Variants in COL4A3 observed in about 807,000 individuals in gnomAD.
COL4A3 encodes collagen type IV alpha 3 chain.
Under a neutral mutation model 217.4 loss-of-function variants are expected in COL4A3, and 135 were observed. That is an observed-to-expected ratio of 0.62 (90% CI 0.54 to 0.72). The LOEUF (loss-of-function observed/expected upper bound fraction) is 0.72. Among genes scored for constraint, COL4A3 ranks in the 30% least tolerant of loss-of-function variants. COL4A3 has a pLI of 0.00. For missense variants in COL4A3, 1,868 were observed against 2,119.9 expected (o/e 0.88, Z 2.33); for synonymous variants, 690 against 736.3 (o/e 0.94, Z 1.02).
chr2:227,251,517 C>T (rs2069740426), intron 11 of COL4A3, 146 bp downstream of exon 11: 3 of 710,048 alleles, frequency 4.2e-6, no homozygotes, highest in Non-Finnish European at 5.0e-6. Flanking sequence ...TGGCTAGCTG[C>T]TCTCACCTCT....
At chr2:227,260,208 C>A in intron 19 of COL4A3, 1 of 452,682 alleles carries the variant, frequency 2.2e-6, no homozygotes, top group South Asian at 1.9e-5. Context: ...AGACCGCGAA[C>A]AAACTCACAC....
At chr2:227,202,728 C>A (rs1171501817) in intron 1 of COL4A3, among the ~76,000 whole-genome samples, 1 of 73,140 alleles carries the variant, frequency 1.4e-5, no homozygotes, top group African/African-American at 5.0e-5. Flanking sequence ...GTGCGAGAAT[C>A]CGTCTCTAAA....
chr2:227,266,516 T>C lies in COL4A3; in HGVS notation c.1408+7T>C. On this transcript the variant is annotated splice_region_variant and intron_variant, in intron 22 of 51. Coordinates refer to ENST00000396578, the MANE Select transcript of COL4A3 (RefSeq NM_000091.5). ...GGAGTTGATGGGCCCAAAGGTTGGT[T>C]CAATCAATAATGTTGTATTAGGATA... 6.2e-7 allele frequency: 1 copy of C among 1,605,238 alleles called. No homozygotes were observed. The highest frequency in any genetic ancestry group is 8.5e-7 in the Non-Finnish European group (1 of 1,172,110).
chr2:227,291,546 C>A (rs1211181433), intron 37 of COL4A3, among the ~76,000 whole-genome samples: 1 of 115,140 alleles, frequency 8.7e-6, no homozygotes. Context: ...CTGGGAGACA[C>A]AGCGAGACTC....
In COL4A3 at chr2:227,295,060, C is replaced by G; in HGVS notation, c.3515C>G (p.Thr1172Arg). Residue 1172 changes from threonine to arginine, a missense_variant and splice_region_variant, in exon 40 of 52, where the codon ACG becomes AGG. Coordinates refer to ENST00000396578, the MANE Select transcript of COL4A3 (RefSeq NM_000091.5). The stretch of plus-strand genomic sequence containing the variant: ...GGTCCAGCCGGAGAAAAGGGAGAAA[C>G]GGGTACAACTTGCTCATTATCTTTG... ...IPGPAGEKGE[T>R]GLLRAPPGPR... 6.2e-7 allele frequency: 1 copy of G among 1,612,436 alleles called. No individual in the cohort carries two copies. Among genetic ancestry groups the G allele is most frequent in the Non-Finnish European group, 8.5e-7 (1 of 1,179,058 alleles).
Position 227,295,288 on chromosome 2 carries a change from A to G in COL4A3, c.3537A>G (p.Pro1179=). ...TTTCAGGTTTATTGAGGGCCCCTCCAGGCCCAAGAGGGAACCCTGGTGCTC... is the reference window on the plus strand; with the variant it reads ...TTTCAGGTTTATTGAGGGCCCCTCCGGGCCCAAGAGGGAACCCTGGTGCTC... ...KGETGLLRAP[P]GPRGNPGAQG... The change falls in exon 41 of 52, where the codon CCA becomes CCG. Residue 1179 remains proline (P), a synonymous_variant. Coordinates refer to ENST00000396578, the MANE Select transcript of COL4A3 (RefSeq NM_000091.5). 6.2e-7 allele frequency: 1 copy of G among 1,614,154 alleles called. No individual in the cohort carries two copies.
At chr2:227,281,494 G>T (rs2071961874) in intron 31 of COL4A3, among the ~76,000 whole-genome samples, 1 of 152,160 alleles carries the variant, frequency 6.6e-6, no homozygotes, top group Non-Finnish European at 1.5e-5. Flanking sequence ...TCTAAATGAT[G>T]CAGGCTAGAT....
chr2:227,196,789 A>G (rs570394218), intron 1 of COL4A3, among the ~76,000 whole-genome samples: 5 of 152,292 alleles, frequency 3.3e-5, no homozygotes, highest in Non-Finnish European at 5.9e-5. Flanking sequence ...AATATGTAAA[A>G]CACAGTTATC....
chr2:227,220,238 AG>A (rs1158431183), intron 1 of COL4A3, among the ~76,000 whole-genome samples: 1 of 125,888 alleles, frequency 7.9e-6, no homozygotes, highest in Non-Finnish European at 1.6e-5. Flanking sequence ...GCTGGAGTGC[AG>A]TGGTGCAATC....
At chr2:227,254,085 A>T (rs1264358056) in intron 13 of COL4A3, 27 bp from the exon 14 acceptor site, 1 of 1,602,558 alleles carries the variant, frequency 6.2e-7, no homozygotes, top group African/African-American at 1.3e-5. Context: ...ATCCATTTGT[A>T]ACAATGTTGA....
rs1363327124 is a variant in COL4A3, at chr2:227,312,348, G to C, written c.*478G>C. On this transcript the variant is annotated 3_prime_UTR_variant, in exon 52 of 52. Transcript: ENST00000396578. ...GGCATGTGGTATCCTGGAGCATTGT[G>C]TATAGAACTGGATTTTCAGACCTGC... 2 of 192,826 alleles carry C rather than the reference G, an allele frequency of 1.0e-5. No individual in the cohort carries two copies. The highest frequency in any genetic ancestry group is 2.2e-5 in the Non-Finnish European group (2 of 92,772). The allele number at this position is 192,826 out of a possible 1,614,324, so 11.9% of individuals were successfully genotyped here. A position where few individuals can be genotyped will look rare whatever the true frequency, so the allele number is the denominator to read the frequency against.
In COL4A3 at chr2:227,294,482, A is replaced by G. The variant is rs765322631; in HGVS notation, c.3338-8A>G. On this transcript the variant is annotated splice_polypyrimidine_tract_variant and splice_region_variant and intron_variant, in intron 38 of 51. Transcript: ENST00000396578. ...CTTTTTTCTTCCTTCCCCTCTCTTC[A>G]TTTCCAGGAAAGCCAGGTCCTCATG... 5.0e-6 allele frequency: 8 copies of G among 1,591,250 alleles called. No individual in the cohort carries two copies. The highest frequency in any genetic ancestry group is 4.5e-5 in the East Asian group (2 of 44,788).
rs1430370337 is a variant in COL4A3 at position 227,191,536 on chromosome 2, G to A, written c.87+26723G>A. On this transcript the variant is annotated intron_variant, in intron 1 of 51. Coordinates refer to ENST00000396578, the MANE Select transcript of COL4A3 (RefSeq NM_000091.5). The surrounding 1 kb of genome is among the most constrained non-coding windows in gnomAD (Gnocchi z 6.8). ...CCCTGTTGGCCATTCCCCGCATCAA[G>A]GATTCAAAGAACCTGCCAAGGGGCT... Among the ~76,000 whole-genome samples, 3 of 152,144 alleles carry A rather than the reference G, an allele frequency of 2.0e-5. No homozygotes were observed. Among genetic ancestry groups the A allele is most frequent in the Non-Finnish European group, 2.9e-5 (2 of 68,030 alleles).
In COL4A3 at chr2:227,256,034, C is replaced by T. The variant is rs368027756; in HGVS notation, c.897C>T (p.Pro299=). 22 of 1,613,608 alleles carry T rather than the reference C, an allele frequency of 1.4e-5. No individual in the cohort carries two copies. The highest frequency in any genetic ancestry group is 1.3e-4 in the East Asian group (6 of 44,854). Residue 299 remains proline (P), a synonymous_variant, in exon 16 of 52, where the codon CCC becomes CCT. Coordinates refer to ENST00000396578, the MANE Select transcript of COL4A3 (RefSeq NM_000091.5). ...APGDPGLQGK[P]GKDGVPGFPG... ...ATTTGTTTTTGCTGTAGGGAAAACC[C>T]GGAAAAGATGGTGTTCCTGGCTTCC... is the stretch of plus-strand genomic sequence containing the variant.
intron 1 of COL4A3, among the ~76,000 whole-genome samples, chr2:227,234,895 C>A (rs994028554): frequency 6.6e-6 from 1 of 152,192 alleles, no homozygotes; most frequent in South Asian, 2.1e-4. Flanking sequence ...TCCCTCTAGC[C>A]CTAGAGGCTC....
At chr2:227,305,552 G>A (rs114985822) in intron 47 of COL4A3, 21,929 of 158,706 alleles carry the variant, frequency 0.14, 1,512 homozygotes, top group Non-Finnish European at 0.15. Flanking sequence ...GCCTGTAATC[G>A]CAGCTACTTG....
intron 2 of COL4A3, among the ~76,000 whole-genome samples, chr2:227,239,511 T>C (rs564160129): frequency 1.3e-5 from 2 of 152,336 alleles, no homozygotes; most frequent in African/African-American, 4.8e-5. Context: ...TGTCAAGCCT[T>C]GGGCTTAAAG....
Position 227,251,386 on chromosome 2 carries a change from A to T in COL4A3, c.645+15A>T. 6.2e-7 allele frequency: 1 copy of T among 1,611,516 alleles called. No individual in the cohort carries two copies. Among genetic ancestry groups the T allele is most frequent in the Non-Finnish European group, 8.5e-7 (1 of 1,179,164 alleles). On this transcript the variant is annotated intron_variant, in intron 11 of 51. Transcript: ENST00000396578. The stretch of plus-strand genomic sequence containing the variant: ...GAGGACCTAAGGTAGACTACAGTTC[A>T]TATGATGTAACAGCTAGCACACCCT...
At chr2:227,311,639 A>T in intron 51 of COL4A3, 147 bp from the exon 52 acceptor site, 1 of 679,148 alleles carries the variant, frequency 1.5e-6, no homozygotes, top group Non-Finnish European at 2.5e-6. Flanking sequence ...CAGCCTCCCA[A>T]ATTGCTGGGA....
Sources: allele counts gnomAD v4.1 joint callset (sites outside exome capture counted in the v4.1 genomes callset), GRCh38; gene constraint gnomAD v4.1.1; non-coding constraint Gnocchi (gnomAD v3.1); transcripts MANE v1.5; gene names NCBI Gene and HGNC (gene_info 2026-07-23, HGNC 2026-07-21).